Variants in HS3ST3A1 observed in about 807,000 individuals in gnomAD.
HS3ST3A1 encodes heparan sulfate-glucosamine 3-sulfotransferase 3A1, also known as heparan sulfate glucosamine 3-O-sulfotransferase 3A1.
A neutral mutation model predicts 25.7 loss-of-function variants in HS3ST3A1; 19 were observed. The observed-to-expected ratio is 0.74, with a 90% confidence interval of 0.52 to 1.08. HS3ST3A1 has a LOEUF of 1.08. Among genes scored for constraint, HS3ST3A1 ranks in the 50% least tolerant of loss-of-function variants. The pLI, the probability that HS3ST3A1 is intolerant of heterozygous loss-of-function variation, is 0.00. For missense variants in HS3ST3A1, 459 were observed against 594.3 expected (o/e 0.77, Z 2.37); for synonymous variants, 226 against 278.6 (o/e 0.81, Z 1.88).
At chr17:13,510,456 T>A (rs1489988839) in intron 1 of HS3ST3A1, among the ~76,000 whole-genome samples, 1 of 152,208 alleles carries the variant, frequency 6.6e-6, no homozygotes, top group African/African-American at 2.4e-5. Flanking sequence ...AGGTTCTTCG[T>A]CATATTTTGG....
At chr17:13,538,019 C>T (rs1032386164) in intron 1 of HS3ST3A1, among the ~76,000 whole-genome samples, 15 of 152,172 alleles carry the variant, frequency 9.9e-5, no homozygotes, top group Non-Finnish European at 2.1e-4. Context: ...TTAGCGATTG[C>T]TTTACTGTGC....
At chr17:13,525,009 G>T (rs1906365182) in intron 1 of HS3ST3A1, among the ~76,000 whole-genome samples, 1 of 151,976 alleles carries the variant, frequency 6.6e-6, no homozygotes, top group East Asian at 1.9e-4. Context: ...ATTTTACTTT[G>T]CCTGATGCTA....
In HS3ST3A1 at chr17:13,511,970, C is replaced by G. The variant is rs148712122; in HGVS notation, c.600-15152G>C. 7.4e-3 allele frequency among the ~76,000 whole-genome samples: 1,120 copies of G among 152,146 alleles called. 5 individuals carry two copies. The highest frequency in any genetic ancestry group is 0.024 in the Middle Eastern group (7 of 294). On this transcript the variant is annotated intron_variant, in intron 1 of 1. Transcript: ENST00000284110. ...ATTTACTTTAATTCATATTTTGGATCAAAATATATTCAAATTTGTACACTT... is the reference window on the plus strand; with the variant it reads ...ATTTACTTTAATTCATATTTTGGATGAAAATATATTCAAATTTGTACACTT...
intron 1 of HS3ST3A1, among the ~76,000 whole-genome samples, chr17:13,562,055 C>G (rs531497763): frequency 1.3e-5 from 2 of 152,146 alleles, no homozygotes; most frequent in South Asian, 4.2e-4. Context: ...GTTGAATTCT[C>G]AAGCAAAGAC....
intron 1 of HS3ST3A1, among the ~76,000 whole-genome samples, chr17:13,593,653 G>A (rs1908497141): frequency 6.6e-6 from 1 of 152,194 alleles, no homozygotes; most frequent in Non-Finnish European, 1.5e-5. Context: ...ATTTCAGTAT[G>A]AGCCCTCATC....
chr17:13,549,551 C>T (rs1375059179), intron 1 of HS3ST3A1, among the ~76,000 whole-genome samples: 1 of 152,196 alleles, frequency 6.6e-6, no homozygotes, highest in African/African-American at 2.4e-5. Flanking sequence ...CGCTGTTCGA[C>T]AATCCTCTGA....
At chr17:13,531,315 T>C (rs1426313678) in intron 1 of HS3ST3A1, among the ~76,000 whole-genome samples, 20 of 152,184 alleles carry the variant, frequency 1.3e-4, no homozygotes, top group Admixed American at 1.3e-3. Context: ...CAATTCCTGA[T>C]GAACTAGCTC....
chr17:13,538,820 A>G (rs1244247764), intron 1 of HS3ST3A1, among the ~76,000 whole-genome samples: 2 of 152,192 alleles, frequency 1.3e-5, no homozygotes, highest in South Asian at 2.1e-4. Context: ...GGAAGAGTCT[A>G]TAAAACAAAA....
At chr17:13,583,556 G>GA (rs1908170138) in intron 1 of HS3ST3A1, among the ~76,000 whole-genome samples, 1 of 152,024 alleles carries the variant, frequency 6.6e-6, no homozygotes, top group South Asian at 2.1e-4. Flanking sequence ...ATCCCCTCCA[G>GA]AAAAATGCCC....
intron 1 of HS3ST3A1, among the ~76,000 whole-genome samples, chr17:13,550,763 G>A (rs74481425): frequency 0.046 from 6,971 of 152,026 alleles, 204 homozygotes; most frequent in African/African-American, 0.083. Flanking sequence ...AACAAGATGC[G>A]ATATTTTTTA....
chr17:13,596,704 C>G (rs2142398739), intron 1 of HS3ST3A1, among the ~76,000 whole-genome samples: 1 of 152,244 alleles, frequency 6.6e-6, no homozygotes, highest in East Asian at 1.9e-4. Context: ...CCTTGGCCAT[C>G]AGTCCACATG....
intron 1 of HS3ST3A1, among the ~76,000 whole-genome samples, chr17:13,592,587 C>G (rs145143719): frequency 2.2e-4 from 34 of 152,122 alleles, no homozygotes; most frequent in African/African-American, 4.8e-5. Flanking sequence ...ATCCCTTGCA[C>G]GAAAGCAGTT....
Position 13,496,072 on chromosome 17 carries a change from C to G in HS3ST3A1, c.*125G>C. The G allele has an allele frequency of 2.5e-6, 3 of 1,209,694 alleles. No individual in the cohort carries two copies. The highest frequency in any genetic ancestry group is 3.1e-5 in the Admixed American group (1 of 32,688). The allele number at this position is 1,209,694 out of a possible 1,614,324, so 74.9% of individuals were successfully genotyped here. On this transcript the variant is annotated 3_prime_UTR_variant, in exon 2 of 2. Transcript: ENST00000284110. ...GATGGGGCGGGAGTGAGAACAATCT[C>G]TTAACATTCATTGAAAAAAATACTG...
In HS3ST3A1 at chr17:13,496,063, G is replaced by A. The variant is rs1337343362; in HGVS notation, c.*134C>T. On this transcript the variant is annotated 3_prime_UTR_variant, in exon 2 of 2. Coordinates refer to ENST00000284110, the MANE Select transcript of HS3ST3A1 (RefSeq NM_006042.3). ...ATACATTAAGATGGGGCGGGAGTGA[G>A]AACAATCTCTTAACATTCATTGAAA... 8.7e-7 allele frequency: 1 copy of A among 1,145,314 alleles called. No homozygotes were observed. Among genetic ancestry groups the A allele is most frequent in the Admixed American group, 3.2e-5 (1 of 31,636 alleles). 70.9% of individuals were successfully genotyped at this position (1,145,314 alleles called of 1,614,324 possible). A position where few individuals can be genotyped will look rare whatever the true frequency, so the allele number is the denominator to read the frequency against.
intron 1 of HS3ST3A1, among the ~76,000 whole-genome samples, chr17:13,572,916 C>T (rs1364407778): frequency 2.6e-5 from 4 of 152,114 alleles, no homozygotes; most frequent in East Asian, 1.9e-4. Context: ...GACCCTTTTC[C>T]GCCACAAGAC....
At chr17:13,556,828 G>A in intron 1 of HS3ST3A1, among the ~76,000 whole-genome samples, 1 of 149,050 alleles carries the variant, frequency 6.7e-6, no homozygotes, top group Non-Finnish European at 1.5e-5. Context: ...CTCCAGCCTG[G>A]GCGAAAGAGC....
intron 1 of HS3ST3A1, among the ~76,000 whole-genome samples, chr17:13,563,592 A>G (rs542739359): frequency 9.9e-5 from 15 of 152,184 alleles, no homozygotes; most frequent in Non-Finnish European, 2.1e-4. Flanking sequence ...CCTCATCTCT[A>G]GAGCAGCTTC....
At chr17:13,511,634 A>C (rs1776315093) in intron 1 of HS3ST3A1, among the ~76,000 whole-genome samples, 1 of 151,484 alleles carries the variant, frequency 6.6e-6, no homozygotes, top group South Asian at 2.1e-4. Context: ...AACTGATGCC[A>C]CTCTGACATG....
chr17:13,516,180 C>A (rs1486222727), intron 1 of HS3ST3A1, among the ~76,000 whole-genome samples: 1 of 152,006 alleles, frequency 6.6e-6, no homozygotes, highest in South Asian at 2.1e-4. Flanking sequence ...CATGGTGGCA[C>A]GTGCCTGTAA....
Sources: gnomAD v4.1 joint callset for allele counts (sites outside exome capture counted in the v4.1 genomes callset) on GRCh38, gnomAD v4.1.1 for gene constraint, MANE v1.5 for transcripts, NCBI Gene and HGNC (gene_info 2026-07-23, HGNC 2026-07-21) for gene names.